Variants in SHISAL1 observed in about 807,000 individuals in gnomAD.
SHISAL1 encodes shisa like 1.
In SHISAL1, 9 loss-of-function variants were observed where a neutral mutation model predicts 22.6. The ratio of observed to expected loss-of-function variants is 0.40; its 90% CI spans 0.24 to 0.70. The LOEUF is 0.70. SHISAL1 is among the 30% of genes least tolerant of loss of function. The pLI is 0.39. For synonymous variants in SHISAL1, 119 were observed against 115.4 expected, an observed-to-expected ratio of 1.03 and a Z score of -0.20; for missense variants, 246 against 270.6, an observed-to-expected ratio of 0.91 and a Z score of 0.64.
At chr22:44,284,897 G>GCCTGCCTGCCTGCCTGCCTT (rs570595554) in intron 4 of SHISAL1, among the ~76,000 whole-genome samples, 114 of 134,568 alleles carry the variant, frequency 8.5e-4, no homozygotes, top group African/African-American at 2.5e-3. Flanking sequence ...CTGCCTTCCT[G>GCCTGCCTGCCTGCCTGCCTT]CCTTCCTTCC....
chr22:44,294,647 A>T (rs1460326619), intron 3 of SHISAL1, among the ~76,000 whole-genome samples: 1 of 152,168 alleles, frequency 6.6e-6, no homozygotes, highest in Non-Finnish European at 1.5e-5. Context: ...CGAAAACAGC[A>T]AGGTAGGGTG....
At chr22:44,299,887 C>T (rs1181795618) in intron 2 of SHISAL1, among the ~76,000 whole-genome samples, 1 of 146,616 alleles carries the variant, frequency 6.8e-6, no homozygotes, top group Non-Finnish European at 1.5e-5. Context: ...CACAGAAAGA[C>T]AGAGACAGAG....
At chr22:44,270,281 C>T (rs1199468261) in intron 4 of SHISAL1, among the ~76,000 whole-genome samples, 1 of 152,226 alleles carries the variant, frequency 6.6e-6, no homozygotes, top group Non-Finnish European at 1.5e-5. Context: ...AGATGTCCCA[C>T]AGACTGACTC....
At chr22:44,257,657 A>G (rs2055093634) in intron 4 of SHISAL1, among the ~76,000 whole-genome samples, 1 of 152,250 alleles carries the variant, frequency 6.6e-6, no homozygotes, top group Non-Finnish European at 1.5e-5. Context: ...AAAGCCATCA[A>G]ATCAGCCAAA....
chr22:44,305,455 G>A (rs2055463819), intron 1 of SHISAL1, among the ~76,000 whole-genome samples: 2 of 152,234 alleles, frequency 1.3e-5, no homozygotes, highest in African/African-American at 4.8e-5. Context: ...GAGCTGGAGA[G>A]GCCTTTATGC....
At chr22:44,270,345 G>A (rs1025111773) in intron 4 of SHISAL1, among the ~76,000 whole-genome samples, 2 of 152,192 alleles carry the variant, frequency 1.3e-5, no homozygotes, top group African/African-American at 4.8e-5. Flanking sequence ...CATTGATCAG[G>A]GGACACATCT....
chr22:44,274,613 G>A (rs547812063), intron 4 of SHISAL1, among the ~76,000 whole-genome samples: 5 of 152,288 alleles, frequency 3.3e-5, no homozygotes, highest in South Asian at 4.1e-4. Context: ...CATGGAATCT[G>A]GACAACTGGG....
intron 4 of SHISAL1, among the ~76,000 whole-genome samples, chr22:44,263,149 C>T (rs2055137946): frequency 6.9e-6 from 1 of 144,204 alleles, no homozygotes; most frequent in Admixed American, 7.2e-5. Context: ...TGGCTCACTG[C>T]AACCTCCGCC....
intron 4 of SHISAL1, among the ~76,000 whole-genome samples, chr22:44,273,295 G>A (rs1203568261): frequency 1.3e-5 from 2 of 152,116 alleles, no homozygotes; most frequent in East Asian, 3.8e-4. Flanking sequence ...TTTCCCGAGC[G>A]TAAATACTGG....
At chr22:44,297,404 G>A (rs1314275981) in intron 2 of SHISAL1, among the ~76,000 whole-genome samples, 1 of 152,248 alleles carries the variant, frequency 6.6e-6, no homozygotes, top group African/African-American at 2.4e-5. Flanking sequence ...GGTGGGCAGT[G>A]GTGGACCTGC....
At chr22:44,267,511 C>T (rs2055172665) in intron 4 of SHISAL1, among the ~76,000 whole-genome samples, 1 of 152,108 alleles carries the variant, frequency 6.6e-6, no homozygotes, top group Non-Finnish European at 1.5e-5. Context: ...ATGGCTGCAG[C>T]TCGTGGGAGA....
intron 4 of SHISAL1, among the ~76,000 whole-genome samples, chr22:44,249,926 A>C (rs946614542): frequency 1.3e-5 from 2 of 152,230 alleles, no homozygotes; most frequent in East Asian, 1.9e-4. Context: ...TAAGCATAGA[A>C]TAGGACTGGA....
the SHISAL1 span, among the ~76,000 whole-genome samples, chr22:44,326,494 T>A: frequency 2.6e-5 from 4 of 152,168 alleles, no homozygotes; most frequent in Admixed American, 6.5e-5. Context: ...GTTTGTCTCA[T>A]TTTCCAGGGA....
chr22:44,250,972 G>T (rs935470038), intron 4 of SHISAL1, among the ~76,000 whole-genome samples: 10 of 152,218 alleles, frequency 6.6e-5, no homozygotes, highest in Admixed American at 6.5e-4. Flanking sequence ...TGCATTAGTG[G>T]GAATGTGTAC....
chr22:44,298,277 C>T (rs1447496848), intron 2 of SHISAL1, among the ~76,000 whole-genome samples: 1 of 152,246 alleles, frequency 6.6e-6, no homozygotes, highest in East Asian at 1.9e-4. Flanking sequence ...TTATTCCCAT[C>T]GTACAGGGGA....
the SHISAL1 span, among the ~76,000 whole-genome samples, chr22:44,325,956 G>A: frequency 1.3e-5 from 2 of 151,686 alleles, no homozygotes; most frequent in African/African-American, 2.4e-5. Flanking sequence ...CCCCTCTCAG[G>A]GGCTTTTCTT....
At chr22:44,311,690 C>T (rs1403328873) in intron 1 of SHISAL1, among the ~76,000 whole-genome samples, 1 of 152,220 alleles carries the variant, frequency 6.6e-6, no homozygotes, top group African/African-American at 2.4e-5. Flanking sequence ...AGGGGCTTAG[C>T]TGGAAACCCC....
intron 2 of SHISAL1, among the ~76,000 whole-genome samples, chr22:44,300,146 CAG>C (rs1350040355): frequency 6.7e-6 from 1 of 149,302 alleles, no homozygotes; most frequent in African/African-American, 2.5e-5. Context: ...GAGACAGAAA[CAG>C]AGAGAGACAG....
chr22:44,295,746 T>C (rs1025552447), intron 3 of SHISAL1, among the ~76,000 whole-genome samples: 6 of 152,088 alleles, frequency 3.9e-5, no homozygotes, highest in African/African-American at 9.7e-5. Flanking sequence ...CATAAACAGC[T>C]AGCTCACGGT....
Sources: gnomAD v4.1 joint callset for allele counts (sites outside exome capture counted in the v4.1 genomes callset) on GRCh38, gnomAD v4.1.1 for gene constraint, MANE v1.5 for transcripts, NCBI Gene and HGNC (gene_info 2026-07-23, HGNC 2026-07-21) for gene names.